Variants in MEIOC observed in about 807,000 individuals in gnomAD.
MEIOC encodes the protein meiosis-specific coiled-coil domain-containing protein MEIOC.
A neutral mutation model predicts 85.3 loss-of-function variants in MEIOC; 9 were observed. The observed-to-expected ratio is 0.11, with a 90% CI of 0.06 to 0.18. The LOEUF is 0.18. Ranked by LOEUF, MEIOC falls within the 10% of genes least tolerant of loss-of-function variation. The pLI is 1.00. For missense variants in MEIOC, 898 were observed against 1,129.4 expected (o/e 0.80, Z 2.94); for synonymous variants, 365 against 393.7 (o/e 0.93, Z 0.86).
intron 2 of MEIOC, among the ~76,000 whole-genome samples, chr17:44,660,884 G>C (rs147498297): frequency 6.6e-6 from 1 of 151,530 alleles, no homozygotes; most frequent in Non-Finnish European, 1.5e-5. Context: ...CTTGAGGCCA[G>C]GAGTTTAAGA....
chr17:44,666,576 A>G lies in MEIOC; in HGVS notation c.665A>G (p.Glu222Gly). The G allele has an allele frequency of 6.2e-7, 1 of 1,610,656 alleles. No homozygotes were observed. Among genetic ancestry groups the G allele is most frequent in the South Asian group, 1.1e-5 (1 of 90,388 alleles). The change falls in exon 5 of 8, where the codon GAA (glutamate) becomes GGA (glycine). Residue 222 changes from glutamate to glycine, a missense_variant. Coordinates refer to ENST00000409122, the MANE Select transcript of MEIOC (RefSeq NM_001145080.3). ...SNLTPQQKID[E>G]LHHGFTGLDL... is the part of the protein sequence containing the mutation. ...CTCACACCACAACAAAAAATAGATG[A>G]ACTTCATCATGGATTTACTGGTTTA...
Position 44,674,931 on chromosome 17 carries a change from T to C in MEIOC, c.*735T>C. 1 of 974,758 alleles carries C rather than the reference T, an allele frequency of 1.0e-6. No homozygotes were observed. Among genetic ancestry groups the C allele is most frequent in the Non-Finnish European group, 1.2e-6 (1 of 820,142 alleles). 60.4% of individuals were successfully genotyped at this position (974,758 alleles called of 1,614,324 possible). A position where few individuals can be genotyped will look rare whatever the true frequency, so the allele number is the denominator to read the frequency against. On this transcript the variant is annotated 3_prime_UTR_variant, in exon 8 of 8. Transcript: ENST00000409122. The stretch of plus-strand genomic sequence containing the variant: ...ATTATCAATTGTTAAATGTTTCCAA[T>C]TTTAAAGTTATTTAAATTGAATCAC...
chr17:44,673,255 T>G, intron 6 of MEIOC, 111 bp from the exon 7 acceptor site: 1 of 756,136 alleles, frequency 1.3e-6, no homozygotes, highest in Non-Finnish European at 2.0e-6. Context: ...ATTCTTTGAT[T>G]TATTGAATGA....
Position 44,673,555 on chromosome 17 carries a change from A to G in MEIOC, c.2638+9A>G. On this transcript the variant is annotated intron_variant, in intron 7 of 7. Coordinates refer to ENST00000409122, the MANE Select transcript of MEIOC (RefSeq NM_001145080.3). ...ATGCCAAGATGACAGAGGTACAAAT[A>G]TTAATGCATATTCTTGTGATAAGTC... 6.5e-7 allele frequency: 1 copy of G among 1,531,690 alleles called. No individual in the cohort carries two copies. Among genetic ancestry groups the G allele is most frequent in the African/African-American group, 1.4e-5 (1 of 72,416 alleles). 94.9% of individuals were successfully genotyped at this position (1,531,690 alleles called of 1,614,324 possible). A position where few individuals can be genotyped will look rare whatever the true frequency, so the allele number is the denominator to read the frequency against.
intron 2 of MEIOC, among the ~76,000 whole-genome samples, chr17:44,662,098 AC>A (rs1971850247): frequency 6.6e-6 from 1 of 152,194 alleles, no homozygotes; most frequent in Non-Finnish European, 1.5e-5. Context: ...TTTGACAGCA[AC>A]CTTAATGGCC....
Position 44,673,530 on chromosome 17 carries a change from A to T in MEIOC, c.2622A>T (p.Arg874Ser), listed in dbSNP as rs192757598. 3,577 of 1,547,270 alleles carry T rather than the reference A, an allele frequency of 2.3e-3. 13 individuals carry two copies. The highest frequency in any genetic ancestry group is 2.4e-3 in the Non-Finnish European group (2,746 of 1,145,674). Residue 874 changes from arginine (R) to serine (S), a missense_variant, in exon 7 of 8, where the codon AGA becomes AGT. Arg to Ser is a moderately radical substitution (Grantham distance 110). Around this residue, in one of 2 missense-constraint regions of MEIOC, gnomAD observed 164 missense variants for 269.2 expected, o/e 0.61. Transcript: ENST00000409122. Reference protein sequence around the residue: ...ASNRQRQGVPRCQDDRDVFAL... With the variant: ...ASNRQRQGVPSCQDDRDVFAL... Reference sequence around the variant, plus strand: ...ATCGGCAAAGGCAAGGAGTTCCTAGATGCCAAGATGACAGAGGTACAAATA... The same window carrying T: ...ATCGGCAAAGGCAAGGAGTTCCTAGTTGCCAAGATGACAGAGGTACAAATA...
At chr17:44,660,570 A>G (rs945964424) in intron 2 of MEIOC, among the ~76,000 whole-genome samples, 10 of 152,122 alleles carry the variant, frequency 6.6e-5, no homozygotes, top group Non-Finnish European at 1.2e-4. Context: ...ATAAGAAAAT[A>G]CTATTTTCAT....
chr17:44,661,288 CAA>C (rs1186351387), intron 2 of MEIOC, among the ~76,000 whole-genome samples: 16 of 54,216 alleles, frequency 3.0e-4, no homozygotes, highest in African/African-American at 9.5e-4. Context: ...ACTCTTGTCT[CAA>C]AAAAAAAAAA....
In MEIOC at chr17:44,662,325, C is replaced by A. The variant is rs1971852642; in HGVS notation, c.213C>A (p.Asp71Glu). The A allele has an allele frequency of 6.5e-7, 1 of 1,540,992 alleles. No individual in the cohort carries two copies. The highest frequency in any genetic ancestry group is 2.1e-5 in the Admixed American group (1 of 47,614). Residue 71 changes from aspartate to glutamate, a missense_variant, in exon 3 of 8, where the codon GAC becomes GAA. This residue lies in a region of MEIOC where 734 missense variants were observed against 860.1 expected (regional missense o/e 0.85). Coordinates refer to ENST00000409122, the MANE Select transcript of MEIOC (RefSeq NM_001145080.3). ...TTTCTTAAAACTTTCAGAGTGAAGA[C>A]AATGTAGACCTAAGGCAGACCTATA... The part of the protein sequence containing the change: ...FYDCYTSQSE[D>E]NVDLRQTYTP...
Position 44,656,606 on chromosome 17 carries a change from G to A in MEIOC, c.-8G>A, listed in dbSNP as rs1971758649. On this transcript the variant is annotated 5_prime_UTR_variant, in exon 1 of 8. Coordinates refer to ENST00000409122, the MANE Select transcript of MEIOC (RefSeq NM_001145080.3). Reference sequence around the variant, plus strand: ...GTGCCTAGTCCAGGAGAGGCTGGGGGGCGCCCCATGGAGGTGAGACGCGGA... The same window carrying A: ...GTGCCTAGTCCAGGAGAGGCTGGGGAGCGCCCCATGGAGGTGAGACGCGGA... 6.8e-7 allele frequency: 1 copy of A among 1,472,444 alleles called. No homozygotes were observed. 91.2% of individuals were successfully genotyped at this position (1,472,444 alleles called of 1,614,324 possible).
Position 44,667,757 on chromosome 17 carries a change from C to T in MEIOC, c.1846C>T (p.His616Tyr), listed in dbSNP as rs1231187973. ...TTTTCAAGCCAAGCCCCAGAGTGGA[C>T]ATTATGATCCTGAGGAAGGTCCAAA... is the stretch of plus-strand genomic sequence containing the variant. The part of the protein sequence containing the change: ...HNFQAKPQSG[H>Y]YDPEEGPKHL... The change falls in exon 5 of 8, where the codon CAT becomes TAT. Residue 616 changes from histidine (H) to tyrosine (Y), a missense_variant. His to Tyr is a moderately conservative substitution (Grantham distance 83). Coordinates refer to ENST00000409122, the MANE Select transcript of MEIOC (RefSeq NM_001145080.3). 6.2e-7 allele frequency: 1 copy of T among 1,613,806 alleles called. No homozygotes were observed. The highest frequency in any genetic ancestry group is 8.5e-7 in the Non-Finnish European group (1 of 1,179,816).
Position 44,657,058 on chromosome 17 carries a change from C to A in MEIOC, c.70-69C>A, listed in dbSNP as rs190954433. On this transcript the variant is annotated intron_variant, in intron 1 of 7. Coordinates refer to ENST00000409122, the MANE Select transcript of MEIOC (RefSeq NM_001145080.3). ...CGAACAGCCGAGGTAGAACAGGTGT[C>A]GGGCCGTTTCAGCTCCGGCGTCACC... 9.6e-4 allele frequency: 1,433 copies of A among 1,495,436 alleles called. 10 individuals are homozygous for A. In the African/African-American group the frequency reaches 0.015, roughly 16 times the overall value. 92.6% of individuals were successfully genotyped at this position (1,495,436 alleles called of 1,614,324 possible).
At position 44,675,347 on chromosome 17, in the gene MEIOC, T is replaced by C; in HGVS notation, c.*1151T>C. ...TATAGAACTTGAGTAATTTATTCGT[T>C]AATATGAAATGTTGGTATTATGTGA... On this transcript the variant is annotated 3_prime_UTR_variant, in exon 8 of 8. Transcript: ENST00000409122. 3 of 968,776 alleles carry C rather than the reference T, an allele frequency of 3.1e-6. No homozygotes were observed. Among genetic ancestry groups the C allele is most frequent in the Non-Finnish European group, 3.7e-6 (3 of 814,778 alleles). 60.0% of individuals were successfully genotyped at this position (968,776 alleles called of 1,614,324 possible). A position where few individuals can be genotyped will look rare whatever the true frequency, so the allele number is the denominator to read the frequency against.
At chr17:44,671,750 T>TA (rs1171775394) in intron 6 of MEIOC, among the ~76,000 whole-genome samples, 1 of 149,814 alleles carries the variant, frequency 6.7e-6, no homozygotes, top group Non-Finnish European at 1.5e-5. Context: ...ACTAAAAATA[T>TA]AAAAAATTAG....
Position 44,657,106 on chromosome 17 carries a change from TC to T in MEIOC, c.70-19del. 13 of 1,544,542 alleles carry T rather than the reference TC, an allele frequency of 8.4e-6. No homozygotes were observed. Among genetic ancestry groups the T allele is most frequent in the Non-Finnish European group, 1.1e-5 (13 of 1,145,316 alleles). The stretch of plus-strand genomic sequence containing the variant: ...ACCCTCGTGACCACTTTCTGATATT[TC>T]CTATTCCCGTGTGCTGCAGCCCAAA... On this transcript the variant is annotated intron_variant, in intron 1 of 7. Coordinates refer to ENST00000409122, the MANE Select transcript of MEIOC (RefSeq NM_001145080.3).
At chr17:44,676,596 G>GTGGA (rs1365090062), downstream of MEIOC, among the ~76,000 whole-genome samples, 1 of 152,138 alleles carries the variant, frequency 6.6e-6, no homozygotes, top group Non-Finnish European at 1.5e-5. Context: ...GCTGAGGCGG[G>GTGGA]TGGATCACGA....
intron 2 of MEIOC, among the ~76,000 whole-genome samples, chr17:44,658,013 G>C (rs1399976468): frequency 1.3e-5 from 2 of 150,698 alleles, no homozygotes; most frequent in Non-Finnish European, 2.9e-5. Flanking sequence ...CATCATGCCC[G>C]GCTAATTTTT....
At chr17:44,659,348 C>G (rs191820200) in intron 2 of MEIOC, among the ~76,000 whole-genome samples, 41 of 152,258 alleles carry the variant, frequency 2.7e-4, no homozygotes, top group African/African-American at 8.2e-4. Flanking sequence ...GTGTTTACAT[C>G]CGGACTAAAA....
chr17:44,668,065 G>T lies in MEIOC; in HGVS notation c.2154G>T (p.Leu718Phe), dbSNP rs1971937290. 1 of 1,613,080 alleles carries T rather than the reference G, an allele frequency of 6.2e-7. No individual in the cohort carries two copies. The highest frequency in any genetic ancestry group is 1.3e-5 in the African/African-American group (1 of 74,910). Reference sequence around the variant, plus strand: ...TTTCTTATGATGACTTAAGCCATTTGTACCCTTATTTTAATATGATGTATG... The same window carrying T: ...TTTCTTATGATGACTTAAGCCATTTTTACCCTTATTTTAATATGATGTATG... ...DLLSYDDLSH[L>F]YPYFNMMYGD... The change falls in exon 5 of 8, where the codon TTG becomes TTT. Residue 718 changes from leucine to phenylalanine, a missense_variant. Leu to Phe is a conservative substitution (Grantham distance 22). Around this residue, in one of 2 missense-constraint regions of MEIOC, gnomAD observed 734 missense variants for 860.1 expected, o/e 0.85. Transcript: ENST00000409122.
Sources: allele counts gnomAD v4.1 joint callset (sites outside exome capture counted in the v4.1 genomes callset), GRCh38; gene constraint gnomAD v4.1.1; regional missense constraint gnomAD v4.1.1; transcripts MANE v1.5; gene names NCBI Gene and HGNC (gene_info 2026-07-23, HGNC 2026-07-21).